The following ATP10B variants were observed in gnomAD, a reference collection of about 807,000 sequenced individuals.
ATP10B encodes the protein phospholipid-transporting ATPase VB.
Under a neutral mutation model 141.2 loss-of-function variants are expected in ATP10B, and 122 were observed. The observed-to-expected ratio is 0.86, with a 90% CI of 0.75 to 1.00. ATP10B has a LOEUF of 1.00. Among genes scored for constraint, ATP10B ranks in the 50% least tolerant of loss-of-function variants. The pLI is 0.00. For missense variants in ATP10B, 1,876 were observed against 1,825.3 expected (o/e 1.03, Z -0.51); for synonymous variants, 685 against 692.0 (o/e 0.99, Z 0.16).
intron 17 of ATP10B, 123 bp from the exon 18 acceptor site, chr5:160,613,048 C>A: frequency 2.1e-6 from 2 of 938,784 alleles, no homozygotes; most frequent in South Asian, 1.7e-5. Context: ...GGCTGTGTAC[C>A]CAGGATATAA....
intron 3 of ATP10B, 101 bp from the exon 4 acceptor site, chr5:160,689,044 T>C: frequency 1.8e-6 from 1 of 551,098 alleles, no homozygotes; most frequent in Non-Finnish European, 2.3e-6. Flanking sequence ...TCGAGTCAGC[T>C]TCATCCCTGG....
chr5:160,872,170 T>C, the ATP10B span, among the ~76,000 whole-genome samples: 1 of 152,216 alleles, frequency 6.6e-6, no homozygotes, highest in African/African-American at 2.4e-5. Context: ...ATATATCTAT[T>C]GGCCATTTGT....
At chr5:160,653,727 ATT>A (rs1284235429) in intron 7 of ATP10B, among the ~76,000 whole-genome samples, 3 of 106,376 alleles carry the variant, frequency 2.8e-5, no homozygotes, top group Admixed American at 1.1e-4. Context: ...ATACATATAT[ATT>A]ATATATACAT....
chr5:160,608,128 G>C (rs1335921971), intron 18 of ATP10B, among the ~76,000 whole-genome samples: 4 of 151,750 alleles, frequency 2.6e-5, no homozygotes, highest in African/African-American at 9.7e-5. Context: ...CCCACCCTGT[G>C]TCCAAGTGTT....
chr5:160,783,687 C>T (rs2127889247), intron 2 of ATP10B, among the ~76,000 whole-genome samples: 1 of 151,450 alleles, frequency 6.6e-6, no homozygotes, highest in South Asian at 2.1e-4. Context: ...AATTGTGCTG[C>T]TATAAACGTG....
chr5:160,879,620 T>G, the ATP10B span, among the ~76,000 whole-genome samples: 2 of 150,206 alleles, frequency 1.3e-5, no homozygotes, highest in Admixed American at 6.6e-5. Flanking sequence ...GGGTGGACGG[T>G]GAGGTCAAGA....
intron 6 of ATP10B, among the ~76,000 whole-genome samples, chr5:160,675,423 AAG>A (rs1448793936): frequency 4.6e-5 from 7 of 152,190 alleles, no homozygotes; most frequent in African/African-American, 1.7e-4. Context: ...AATAAACAGC[AAG>A]AGAGGTTTGT....
At chr5:160,849,708 A>G (rs1213777928) in intron 1 of ATP10B, among the ~76,000 whole-genome samples, 1 of 152,086 alleles carries the variant, frequency 6.6e-6, no homozygotes, top group Admixed American at 6.6e-5. Flanking sequence ...AGGAAGCAGA[A>G]CTGTAATTCA....
chr5:160,750,074 G>A (rs959755131), intron 2 of ATP10B, among the ~76,000 whole-genome samples: 1 of 152,162 alleles, frequency 6.6e-6, no homozygotes, highest in African/African-American at 2.4e-5. Flanking sequence ...AAGGTATGCA[G>A]GTTTTGATTA....
At chr5:160,908,201 A>G in the ATP10B span, among the ~76,000 whole-genome samples, 1 of 152,318 alleles carries the variant, frequency 6.6e-6, no homozygotes, top group South Asian at 2.1e-4. Context: ...AAAAGAGGAA[A>G]TGACATCTAC....
intron 7 of ATP10B, among the ~76,000 whole-genome samples, chr5:160,653,596 T>G (rs200191422): frequency 9.7e-6 from 1 of 102,612 alleles, no homozygotes; most frequent in Non-Finnish European, 1.9e-5. Context: ...TATACATATA[T>G]ACATATATAC....
chr5:160,616,627 G>C (rs1758015272), intron 16 of ATP10B, among the ~76,000 whole-genome samples: 1 of 152,200 alleles, frequency 6.6e-6, no homozygotes, highest in South Asian at 2.1e-4. Context: ...TCTTCCCTCA[G>C]AGTCCCATTT....
chr5:160,765,887 G>A (rs763351473), intron 2 of ATP10B, among the ~76,000 whole-genome samples: 25 of 151,872 alleles, frequency 1.6e-4, no homozygotes, highest in Non-Finnish European at 2.9e-4. Flanking sequence ...ATCAAAAAGT[G>A]GACTAAGGGC....
chr5:160,715,539 G>A (rs371973967), intron 3 of ATP10B, among the ~76,000 whole-genome samples: 5 of 147,632 alleles, frequency 3.4e-5, no homozygotes, highest in Non-Finnish European at 6.0e-5. Flanking sequence ...AGATGAACCC[G>A]GTACCTCAGA....
At chr5:160,689,063 G>C (rs1046956087) in intron 3 of ATP10B, 120 bp from the exon 4 acceptor site, 4 of 354,288 alleles carry the variant, frequency 1.1e-5, no homozygotes, top group Non-Finnish European at 1.6e-5. Context: ...GGGATGCAAG[G>C]CTGGTTCAAC....
chr5:160,658,162 A>G (rs1434729020), intron 7 of ATP10B, among the ~76,000 whole-genome samples: 5 of 152,218 alleles, frequency 3.3e-5, no homozygotes, highest in Admixed American at 3.3e-4. Context: ...CAAAGATCCT[A>G]GTACAGTGTC....
chr5:160,716,232 C>T (rs1433068926), intron 3 of ATP10B, among the ~76,000 whole-genome samples: 2 of 152,110 alleles, frequency 1.3e-5, no homozygotes, highest in Admixed American at 1.3e-4. Context: ...TATCTAATGG[C>T]AGTTAAAATT....
chr5:160,690,095 G>A (rs11135110), intron 3 of ATP10B, among the ~76,000 whole-genome samples: 38,001 of 150,916 alleles, frequency 0.25, 6,043 homozygotes, highest in East Asian at 0.69. Flanking sequence ...TGACAAAAAC[G>A]AGCAATGGGG....
At chr5:160,597,665 T>G (rs1481009389) in intron 22 of ATP10B, among the ~76,000 whole-genome samples, 12 of 151,856 alleles carry the variant, frequency 7.9e-5, no homozygotes, top group South Asian at 4.2e-4. Context: ...GGGCTAATAT[T>G]CAGAATCTAC....
Sources: allele counts gnomAD v4.1 joint callset (sites outside exome capture counted in the v4.1 genomes callset), GRCh38; gene constraint gnomAD v4.1.1; transcripts MANE v1.5; gene names NCBI Gene and HGNC (gene_info 2026-07-23, HGNC 2026-07-21).